The following ZSCAN32 variants were observed in gnomAD, a reference collection of about 807,000 sequenced individuals.
ZSCAN32 encodes the protein zinc finger and SCAN domain-containing protein 32.
A neutral mutation model predicts 47.4 loss-of-function variants in ZSCAN32; 52 were observed. The observed-to-expected ratio is 1.10, with a 90% CI of 0.88 to 1.38. The LOEUF is 1.38. Ranked by LOEUF, ZSCAN32 falls within the 40% of genes most tolerant of loss-of-function variation. The probability of loss-of-function intolerance (pLI) is 0.00; values close to 1 mark genes in which losing one functional copy is unlikely to be tolerated. For synonymous variants in ZSCAN32, 346 were observed against 305.7 expected, an observed-to-expected ratio of 1.13 and a Z score of -1.38; for missense variants, 959 against 846.0, an observed-to-expected ratio of 1.13 and a Z score of -1.66.
At chr16:3,396,171 A>T (rs1286804438) in intron 2 of ZSCAN32, among the ~76,000 whole-genome samples, 1 of 152,164 alleles carries the variant, frequency 6.6e-6, no homozygotes, top group Non-Finnish European at 1.5e-5. Flanking sequence ...CCTTCATACA[A>T]GTGCTACTGC....
chr16:3,384,023 T>A (rs947520210), intron 6 of ZSCAN32: 2 of 429,684 alleles, frequency 4.7e-6, no homozygotes, highest in Non-Finnish European at 8.2e-6. Context: ...TACCCTCAAT[T>A]CTTGAATGTT....
At chr16:3,389,390 C>G (rs2032395709) in intron 5 of ZSCAN32, among the ~76,000 whole-genome samples, 1 of 152,198 alleles carries the variant, frequency 6.6e-6, no homozygotes, top group Admixed American at 6.5e-5. Flanking sequence ...GAGGAGAAAT[C>G]TAGGCCCAGT....
Position 3,384,756 on chromosome 16 carries a change from G to C in ZSCAN32, c.937C>G (p.Leu313Val), listed in dbSNP as rs1236563564. Residue 313 changes from leucine to valine, a missense_variant, in exon 6 of 7, where the codon CTA becomes GTA. Coordinates refer to ENST00000396852, the MANE Select transcript of ZSCAN32 (RefSeq NM_001284527.2). ...CTCACTTTGCGGTAACTCAACTGTA[G>C]GCTTTTGAACTTGGTGCGACACTGT... The part of the protein sequence containing the change: ...PEQCRTKFKS[L>V]QLSYRKVRRG... The C allele has an allele frequency of 6.2e-7, 1 of 1,614,208 alleles. No individual in the cohort carries two copies.
chr16:3,397,401 C>G lies in ZSCAN32; in HGVS notation c.157G>C (p.Glu53Gln). The change falls in exon 2 of 7, where the codon GAA becomes CAA. Residue 53 changes from glutamate to glutamine, a missense_variant. Glu to Gln is a conservative substitution (Grantham distance 29). Transcript: ENST00000396852. ...FCYQEVTGPH[E>Q]AFSKLWELCC... is the part of the protein sequence containing the mutation. ...AGTTCCCAGAGTTTGCTAAAAGCTT[C>G]ATGTGGGCCAGTTACCTCCTGGTAG... The G allele has an allele frequency of 6.4e-7, 1 of 1,553,188 alleles. No homozygotes were observed. The highest frequency in any genetic ancestry group is 8.7e-7 in the Non-Finnish European group (1 of 1,148,550).
chr16:3,383,034 AC>A lies in ZSCAN32; in HGVS notation c.1911del (p.Cys638ValfsTer47). ...GAGCTATTGTTGAAGATTTTCCCAC[AC>A]ACTGCACACTTGTATGGGCTCTCCC... is the stretch of plus-strand genomic sequence containing the variant. ...HTGESPYKCA[V>X]CGKIFNNSSH... On this transcript the variant is annotated frameshift_variant, in exon 7 of 7. Coordinates refer to ENST00000396852, the MANE Select transcript of ZSCAN32 (RefSeq NM_001284527.2). LOFTEE classifies it low-confidence loss of function (END_TRUNC). 1 of 1,614,110 alleles carries A rather than the reference AC, an allele frequency of 6.2e-7. No homozygotes were observed. The highest frequency in any genetic ancestry group is 8.5e-7 in the Non-Finnish European group (1 of 1,179,990).
In ZSCAN32 at chr16:3,383,311, G is replaced by A. The variant is rs143429189; in HGVS notation, c.1635C>T (p.Gly545=). ...YLVRHQRIHT[G]EKPHKCSECG... ...ACTCACTGCACTTGTGAGGCTTCTC[G>A]CCTGTGTGGATTCTTTGATGCCGAA... The change falls in exon 7 of 7, where the codon GGC becomes GGT. Residue 545 remains glycine (G), a synonymous_variant. Coordinates refer to ENST00000396852, the MANE Select transcript of ZSCAN32 (RefSeq NM_001284527.2). 84 of 1,614,052 alleles carry A rather than the reference G, an allele frequency of 5.2e-5. No individual in the cohort carries two copies. Among genetic ancestry groups the A allele is most frequent in the Non-Finnish European group, 6.7e-5 (79 of 1,180,024 alleles).
intron 3 of ZSCAN32, among the ~76,000 whole-genome samples, chr16:3,392,710 C>G (rs2032863708): frequency 6.6e-6 from 1 of 151,948 alleles, no homozygotes; most frequent in South Asian, 2.1e-4. Flanking sequence ...GCTTTAGTCC[C>G]AGCTACTTGG....
intron 5 of ZSCAN32, among the ~76,000 whole-genome samples, chr16:3,387,624 C>T (rs998122479): frequency 1.3e-5 from 2 of 152,204 alleles, no homozygotes; most frequent in African/African-American, 4.8e-5. Flanking sequence ...TTGTCACCCC[C>T]TCTTCTCCAC....
intron 1 of ZSCAN32, among the ~76,000 whole-genome samples, chr16:3,399,533 C>T (rs1313400290): frequency 2.6e-5 from 4 of 151,898 alleles, no homozygotes; most frequent in African/African-American, 2.4e-5. Context: ...TTATGTAAGG[C>T]AATATTTTTT....
At chr16:3,392,064 T>C (rs1025828116) in intron 3 of ZSCAN32, among the ~76,000 whole-genome samples, 2 of 152,238 alleles carry the variant, frequency 1.3e-5, no homozygotes, top group African/African-American at 4.8e-5. Flanking sequence ...TGCAATGGAA[T>C]ATTCAGCCAT....
chr16:3,397,089 G>A lies in ZSCAN32; in HGVS notation c.366+103C>T, dbSNP rs959497711. ...AGACAGCCAAGACCTTCTGTGGGCA[G>A]CAGAGGGCTACTGTGTGTTTCTCAA... On this transcript the variant is annotated intron_variant, in intron 2 of 6. Coordinates refer to ENST00000396852, the MANE Select transcript of ZSCAN32 (RefSeq NM_001284527.2). 5.0e-6 allele frequency: 7 copies of A among 1,396,002 alleles called. No individual in the cohort carries two copies. The African/African-American group carries it at 8.7e-5, about 17-fold the overall frequency. 86.5% of individuals were successfully genotyped at this position (1,396,002 alleles called of 1,614,324 possible).
At chr16:3,390,972 C>T (rs2032623174) in intron 3 of ZSCAN32, among the ~76,000 whole-genome samples, 1 of 152,158 alleles carries the variant, frequency 6.6e-6, no homozygotes, top group Non-Finnish European at 1.5e-5. Context: ...AGAAACCCTT[C>T]ATATTTTTCA....
intron 1 of ZSCAN32, 167 bp from the exon 2 acceptor site, chr16:3,397,911 A>C (rs376479484): frequency 5.3e-6 from 1 of 188,124 alleles, no homozygotes; most frequent in African/African-American, 2.4e-5. Context: ...CTTTGCAAAA[A>C]CCATTAACAG....
chr16:3,383,008 G>T lies in ZSCAN32; in HGVS notation c.1938C>A (p.Ser646=), dbSNP rs758564499. The T allele has an allele frequency of 6.2e-7, 1 of 1,614,040 alleles. No homozygotes were observed. Among genetic ancestry groups the T allele is most frequent in the East Asian group, 2.2e-5 (1 of 44,878 alleles). The stretch of plus-strand genomic sequence containing the variant: ...GGGTTTTTCGGTGGGCACTGAAGTG[G>T]GAGCTATTGTTGAAGATTTTCCCAC... ...AVCGKIFNNS[S]HFSAHRKTHT... Residue 646 remains serine (S), a synonymous_variant, in exon 7 of 7, where the codon TCC becomes TCA. Transcript: ENST00000396852.
At chr16:3,398,410 C>A (rs1596240808) in intron 1 of ZSCAN32, among the ~76,000 whole-genome samples, 2 of 152,182 alleles carry the variant, frequency 1.3e-5, no homozygotes, top group African/African-American at 4.8e-5. Flanking sequence ...TACCCAACTG[C>A]GTGCCAAAGC....
At chr16:3,396,985 A>C (rs910565760) in intron 2 of ZSCAN32, among the ~76,000 whole-genome samples, 6 of 152,180 alleles carry the variant, frequency 3.9e-5, no homozygotes, top group African/African-American at 1.4e-4. Flanking sequence ...TTCAAATATT[A>C]TTAAATATAT....
At chr16:3,385,517 G>C (rs2031862552) in intron 5 of ZSCAN32, among the ~76,000 whole-genome samples, 1 of 152,150 alleles carries the variant, frequency 6.6e-6, no homozygotes, top group Non-Finnish European at 1.5e-5. Context: ...CAAAGCTGGA[G>C]GCATCACGCT....
chr16:3,383,478 T>C lies in ZSCAN32; in HGVS notation c.1468A>G (p.Arg490Gly). ...EKMSHQSFCA[R>G]DKACTHILCG... The stretch of plus-strand genomic sequence containing the variant: ...AGGATATGTGTACAGGCTTTGTCCC[T>C]GGCACAAAAACTCTGGTGACTCATC... The change falls in exon 7 of 7, where the codon AGG becomes GGG. Residue 490 changes from arginine (R) to glycine (G), a missense_variant. By Grantham distance (125) the Arg-to-Gly change is moderately radical. Transcript: ENST00000396852. 6.2e-7 allele frequency: 1 copy of C among 1,614,164 alleles called. No individual in the cohort carries two copies. Among genetic ancestry groups the C allele is most frequent in the Non-Finnish European group, 8.5e-7 (1 of 1,180,014 alleles).
chr16:3,389,950 T>C (rs2032472422), intron 5 of ZSCAN32, 60 bp downstream of exon 5: 3 of 1,499,892 alleles, frequency 2.0e-6, no homozygotes, highest in Non-Finnish European at 2.7e-6. Context: ...TCAAGTCCTT[T>C]CAGCCTCTCT....
Sources: gnomAD v4.1 joint callset for allele counts (sites outside exome capture counted in the v4.1 genomes callset) on GRCh38, gnomAD v4.1.1 for gene constraint, MANE v1.5 for transcripts, NCBI Gene and HGNC (gene_info 2026-07-23, HGNC 2026-07-21) for gene names.